The following PLEKHG3 variants were observed in gnomAD, a reference collection of about 807,000 sequenced individuals.
PLEKHG3 encodes pleckstrin homology domain-containing family G member 3.
PLEKHG3 carries 62 observed loss-of-function variants against 94.9 expected under a neutral mutation model. That is an observed-to-expected ratio of 0.65 (90% CI 0.53 to 0.81). PLEKHG3 has a LOEUF of 0.81. PLEKHG3 is among the 30% of genes least tolerant of loss of function. The probability of loss-of-function intolerance (pLI) is 0.00; values close to 1 mark genes in which losing one functional copy is unlikely to be tolerated. For missense variants in PLEKHG3, 1,461 were observed against 1,619.3 expected (o/e 0.90, Z 1.68); for synonymous variants, 614 against 654.0 (o/e 0.94, Z 0.93).
chr14:64,709,816 C>T (rs2081039660), intron 1 of PLEKHG3, among the ~76,000 whole-genome samples: 1 of 151,476 alleles, frequency 6.6e-6, no homozygotes, highest in South Asian at 2.1e-4. Context: ...TCCTTCAGTT[C>T]ATTGCTACAT....
chr14:64,735,772 T>G (rs2081557861), intron 12 of PLEKHG3, among the ~76,000 whole-genome samples: 1 of 152,142 alleles, frequency 6.6e-6, no homozygotes, highest in Admixed American at 6.5e-5. Flanking sequence ...TTCCTTGAGG[T>G]TTTTTCTGCT....
At position 64,738,203 on chromosome 14, in the gene PLEKHG3, A is replaced by G. The variant is rs1476315633; in HGVS notation, c.1405-539A>G. 2 of 1,288,868 alleles carry G rather than the reference A, an allele frequency of 1.6e-6. No homozygotes were observed. Among genetic ancestry groups the G allele is most frequent in the African/African-American group, 3.0e-5 (2 of 65,778 alleles). The allele number at this position is 1,288,868 out of a possible 1,614,324, so 79.8% of individuals were successfully genotyped here. A position where few individuals can be genotyped will look rare whatever the true frequency, so the allele number is the denominator to read the frequency against. On this transcript the variant is annotated intron_variant, in intron 14 of 16. Coordinates refer to ENST00000247226, the MANE Select transcript of PLEKHG3 (RefSeq NM_001308147.2). This position sits in a 1 kb window ranked among gnomAD's most constrained non-coding sequence, Gnocchi z 4.8. ...GCTGGCACTATCGGGCCAACGCTTTACTTTTCTCCCGGGGCGCTATGGTGA... is the reference window on the plus strand; with the variant it reads ...GCTGGCACTATCGGGCCAACGCTTTGCTTTTCTCCCGGGGCGCTATGGTGA...
Position 64,742,395 on chromosome 14 carries a change from G to T in PLEKHG3, c.2878G>T (p.Gly960Trp). The T allele has an allele frequency of 6.2e-7, 1 of 1,612,768 alleles. No homozygotes were observed. The highest frequency in any genetic ancestry group is 8.5e-7 in the Non-Finnish European group (1 of 1,180,018). ...GGAAAAGGTGGCCCCTGAGAGGGAT[G>T]GGAAGAGCCCCACTGTGCCCTGTCT... ...QWEKVAPERDGKSPTVPCLQE... is the reference protein window; with the variant it reads ...QWEKVAPERDWKSPTVPCLQE... Residue 960 changes from glycine (G) to tryptophan (W), a missense_variant, in exon 16 of 17, where the codon GGG becomes TGG. Coordinates refer to ENST00000247226, the MANE Select transcript of PLEKHG3 (RefSeq NM_001308147.2).
chr14:64,708,270 C>G (rs868581987), intron 1 of PLEKHG3, among the ~76,000 whole-genome samples: 4 of 152,296 alleles, frequency 2.6e-5, no homozygotes, highest in Middle Eastern at 6.8e-3. Flanking sequence ...CTGGAATTCC[C>G]CCTGCTTCCA....
chr14:64,732,356 A>T lies in PLEKHG3; in HGVS notation c.1213-71A>T. 1 of 1,426,352 alleles carries T rather than the reference A, an allele frequency of 7.0e-7. No homozygotes were observed. The highest frequency in any genetic ancestry group is 1.7e-5 in the Admixed American group (1 of 59,746). 88.4% of individuals were successfully genotyped at this position (1,426,352 alleles called of 1,614,324 possible). On this transcript the variant is annotated intron_variant, in intron 10 of 16. Coordinates refer to ENST00000247226, the MANE Select transcript of PLEKHG3 (RefSeq NM_001308147.2). The surrounding 1 kb of genome is among the most constrained non-coding windows in gnomAD (Gnocchi z 4.9). ...CTGTGGGGTGTCCTCGTACAGCAAC[A>T]GTGGGTCCTATGGGCAGGGAAGGCC...
At position 64,744,024 on chromosome 14, in the gene PLEKHG3, C is replaced by T. The variant is rs57146578; in HGVS notation, c.*321C>T. On this transcript the variant is annotated 3_prime_UTR_variant, in exon 17 of 17. Coordinates refer to ENST00000247226, the MANE Select transcript of PLEKHG3 (RefSeq NM_001308147.2). ...GAGGAAGCTCTGCTCAGGCCTCCAG[C>T]GTTGGCTGGCCATGGCCACAGCCAG... 1,436 of 209,244 alleles carry T rather than the reference C, an allele frequency of 6.9e-3. 33 individuals are homozygous for T. Among genetic ancestry groups the T allele is most frequent in the African/African-American group, 0.03 (1,315 of 43,376 alleles). 13.0% of individuals were successfully genotyped at this position (209,244 alleles called of 1,614,324 possible).
chr14:64,732,092 C>T lies in PLEKHG3; in HGVS notation c.1126-3C>T, dbSNP rs775754615. 1.9e-6 allele frequency: 3 copies of T among 1,610,214 alleles called. No individual in the cohort carries two copies. The highest frequency in any genetic ancestry group is 2.2e-5 in the East Asian group (1 of 44,892). ...TGGGTCCCTTTCCCTTGGGTCCTCCCAGGCCAAGACAGTGGAGGAGAAACG... is the reference window on the plus strand; with the variant it reads ...TGGGTCCCTTTCCCTTGGGTCCTCCTAGGCCAAGACAGTGGAGGAGAAACG... On this transcript the variant is annotated splice_polypyrimidine_tract_variant and splice_region_variant and intron_variant, in intron 9 of 16. Coordinates refer to ENST00000247226, the MANE Select transcript of PLEKHG3 (RefSeq NM_001308147.2). This position sits in a 1 kb window ranked among gnomAD's most constrained non-coding sequence, Gnocchi z 4.9.
chr14:64,712,507 T>C (rs2081078589), intron 1 of PLEKHG3, among the ~76,000 whole-genome samples: 1 of 152,256 alleles, frequency 6.6e-6, no homozygotes, highest in Non-Finnish European at 1.5e-5. Context: ...CAGTGTTTTG[T>C]GGTTTTCAGC....
chr14:64,736,748 T>C, intron 12 of PLEKHG3, 105 bp from the exon 13 acceptor site: 2 of 848,676 alleles, frequency 2.4e-6, no homozygotes, highest in Non-Finnish European at 4.1e-6. Context: ...CAAGCCAGAG[T>C]GGACTTTGAG....
chr14:64,739,109 C>T lies in PLEKHG3; in HGVS notation c.1518+254C>T, dbSNP rs537473427. The stretch of plus-strand genomic sequence containing the variant: ...CAGATGCAGTCCCATGTCAAGGGCA[C>T]GCAGCTAGTGGAAATGAACCAGGTA... On this transcript the variant is annotated intron_variant, in intron 15 of 16. Transcript: ENST00000247226. The surrounding 1 kb of genome is among the most constrained non-coding windows in gnomAD (Gnocchi z 4.1). Among the ~76,000 whole-genome samples, 8 of 152,236 alleles carry T rather than the reference C, an allele frequency of 5.3e-5. 1 individual carries two copies. In the East Asian group the frequency reaches 1.2e-3, roughly 22 times the overall value.
At position 64,722,894 on chromosome 14, in the gene PLEKHG3, G is replaced by T. The variant is rs2081288346; in HGVS notation, c.-39-4699G>T. Among the ~76,000 whole-genome samples, 1 of 152,232 alleles carries T rather than the reference G, an allele frequency of 6.6e-6. No homozygotes were observed. Among genetic ancestry groups the T allele is most frequent in the Non-Finnish European group, 1.5e-5 (1 of 68,040 alleles). On this transcript the variant is annotated intron_variant, in intron 1 of 16. Transcript: ENST00000247226. This position sits in a 1 kb window ranked among gnomAD's most constrained non-coding sequence, Gnocchi z 4.3. ...GTTCCAGAAGGCTCCCCGTAATCCT[G>T]TGGGATAGGGGAGGAGCAGGGTCCC...
rs529207215 is a variant in PLEKHG3 at position 64,728,178 on chromosome 14, C to T, written c.351+196C>T. ...GGGCCAGATCAGTAGCTTGGGCCGACAGGAGTGAGCATCGTTGATAGGGTG... is the reference window on the plus strand; with the variant it reads ...GGGCCAGATCAGTAGCTTGGGCCGATAGGAGTGAGCATCGTTGATAGGGTG... On this transcript the variant is annotated intron_variant, in intron 2 of 16. Transcript: ENST00000247226. The surrounding 1 kb of genome is among the most constrained non-coding windows in gnomAD (Gnocchi z 5.9). Among the ~76,000 whole-genome samples, 15 of 152,336 alleles carry T rather than the reference C, an allele frequency of 9.8e-5. No homozygotes were observed. The East Asian group carries it at 2.5e-3, about 26-fold the overall frequency.
Position 64,750,128 on chromosome 14 carries a change from A to T in PLEKHG3, c.*6425A>T, listed in dbSNP as rs758732406. The T allele has an allele frequency of 6.2e-7, 1 of 1,614,012 alleles. No individual in the cohort carries two copies. The highest frequency in any genetic ancestry group is 8.5e-7 in the Non-Finnish European group (1 of 1,180,006). On this transcript the variant is annotated 3_prime_UTR_variant, in exon 17 of 17. Coordinates refer to ENST00000247226, the MANE Select transcript of PLEKHG3 (RefSeq NM_001308147.2). Reference sequence around the variant, plus strand: ...GTAGAAGGTTAGCTCACTGTTCCTGAGCACACAGTACAGGTTGTTCCAGGA... The same window carrying T: ...GTAGAAGGTTAGCTCACTGTTCCTGTGCACACAGTACAGGTTGTTCCAGGA...
intron 16 of PLEKHG3, 80 bp downstream of exon 16, chr14:64,742,535 G>T: frequency 9.5e-7 from 1 of 1,056,868 alleles, no homozygotes; most frequent in Middle Eastern, 2.9e-4. Context: ...GCTCCTCGGG[G>T]AAAGTGACCT....
chr14:64,719,113 G>A (rs1321466053), intron 1 of PLEKHG3, among the ~76,000 whole-genome samples: 2 of 152,146 alleles, frequency 1.3e-5, no homozygotes, highest in Non-Finnish European at 2.9e-5. Context: ...CAGCTGAACT[G>A]CTGTGTGTCT....
chr14:64,733,158 CTTTTTCTTT>C (rs1489879276), intron 12 of PLEKHG3, among the ~76,000 whole-genome samples: 1 of 136,408 alleles, frequency 7.3e-6, no homozygotes, highest in African/African-American at 3.1e-5. Flanking sequence ...CTTTTCTTTT[CTTTTTCTTT>C]TTTTTTTTTT....
At chr14:64,709,268 A>G (rs2081028846) in intron 1 of PLEKHG3, among the ~76,000 whole-genome samples, 2 of 152,140 alleles carry the variant, frequency 1.3e-5, no homozygotes, top group Admixed American at 6.5e-5. Context: ...CATTTGCTAC[A>G]GCTTTTGTTC....
chr14:64,719,855 G>A (rs2081233686), intron 1 of PLEKHG3, among the ~76,000 whole-genome samples: 1 of 152,220 alleles, frequency 6.6e-6, no homozygotes, highest in Non-Finnish European at 1.5e-5. Flanking sequence ...GAACTTTGCT[G>A]GTAAGTAGCA....
chr14:64,706,984 T>C (rs559525031), intron 1 of PLEKHG3, among the ~76,000 whole-genome samples: 38 of 152,358 alleles, frequency 2.5e-4, no homozygotes, highest in Non-Finnish European at 3.4e-4. Context: ...TGGGAGGGTG[T>C]TGCTTTTGCA....
Sources: allele counts gnomAD v4.1 joint callset (sites outside exome capture counted in the v4.1 genomes callset), GRCh38; gene constraint gnomAD v4.1.1; non-coding constraint Gnocchi (gnomAD v3.1); transcripts MANE v1.5; gene names NCBI Gene and HGNC (gene_info 2026-07-23, HGNC 2026-07-21).